The following SCARA3 variants were observed in gnomAD, a reference collection of about 807,000 sequenced individuals.
SCARA3 encodes scavenger receptor class A member 3, also known as cellular stress response gene protein.
SCARA3 carries 39 observed loss-of-function variants against 47.0 expected under a neutral mutation model. The ratio of observed to expected loss-of-function variants is 0.83; its 90% CI spans 0.64 to 1.08. The LOEUF (loss-of-function observed/expected upper bound fraction) is 1.08. SCARA3 is among the 50% of genes least tolerant of loss of function. The pLI, the probability that SCARA3 is intolerant of heterozygous loss-of-function variation, is 0.00. For missense variants in SCARA3, 724 were observed against 792.3 expected (o/e 0.91, Z 1.04); for synonymous variants, 356 against 334.1 (o/e 1.07, Z -0.71).
intron 1 of SCARA3, among the ~76,000 whole-genome samples, chr8:27,635,101 G>T (rs1285483213): frequency 2.0e-5 from 3 of 152,284 alleles, no homozygotes. Flanking sequence ...ATGGAAAGTA[G>T]AAACTGAAAA....
the SCARA3 span, among the ~76,000 whole-genome samples, chr8:27,718,523 G>A: frequency 3.3e-5 from 5 of 152,186 alleles, no homozygotes; most frequent in African/African-American, 4.8e-5. Flanking sequence ...TGAAGACCTC[G>A]CACTCCAGCT....
chr8:27,664,811 C>T (rs776879579), intron 5 of SCARA3, among the ~76,000 whole-genome samples: 3 of 151,920 alleles, frequency 2.0e-5, no homozygotes, highest in African/African-American at 7.3e-5. Context: ...CCTAGTCATG[C>T]GTGGAGAGCA....
the SCARA3 span, among the ~76,000 whole-genome samples, chr8:27,730,493 T>TG: frequency 6.7e-6 from 1 of 150,008 alleles, no homozygotes; most frequent in Non-Finnish European, 1.5e-5. Flanking sequence ...CTTTGATTTT[T>TG]TTTTTTTTTT....
chr8:27,698,665 C>T, the SCARA3 span, among the ~76,000 whole-genome samples: 2 of 152,148 alleles, frequency 1.3e-5, no homozygotes, highest in African/African-American at 4.8e-5. Context: ...TTACCAATAT[C>T]ATAATATAGA....
At chr8:27,716,658 A>T in the SCARA3 span, among the ~76,000 whole-genome samples, 1 of 152,230 alleles carries the variant, frequency 6.6e-6, no homozygotes, top group Non-Finnish European at 1.5e-5. Context: ...TTAAAAAGAC[A>T]TCACTTTACA....
chr8:27,668,945 G>A lies in SCARA3; in HGVS notation c.1370-1955G>A, dbSNP rs543405476. ...GAAAGGAATGGAGTTCCAGAAGAAG[G>A]TGAGAGGGCCCCAGCTGTGTGTAGG... On this transcript the variant is annotated intron_variant, in intron 5 of 5. Coordinates refer to ENST00000301904, the MANE Select transcript of SCARA3 (RefSeq NM_016240.3). 6.6e-5 allele frequency among the ~76,000 whole-genome samples: 10 copies of A among 152,346 alleles called. No individual in the cohort carries two copies. In the South Asian group the frequency reaches 2.1e-3, roughly 32 times the overall value.
At chr8:27,656,407 T>C (rs1024855873) in intron 3 of SCARA3, among the ~76,000 whole-genome samples, 4 of 152,228 alleles carry the variant, frequency 2.6e-5, no homozygotes, top group Admixed American at 1.3e-4. Context: ...TATATATCTA[T>C]GTAGCTGAAG....
the SCARA3 span, among the ~76,000 whole-genome samples, chr8:27,718,775 A>G: frequency 3.9e-5 from 6 of 152,252 alleles, no homozygotes; most frequent in Non-Finnish European, 7.3e-5. Context: ...GCATAAAAGC[A>G]AAACTTGCAT....
At chr8:27,659,882 G>A (rs1317126311) in intron 5 of SCARA3, among the ~76,000 whole-genome samples, 24 of 119,048 alleles carry the variant, frequency 2.0e-4, no homozygotes, top group African/African-American at 6.8e-4. Context: ...AAAAAAGAGA[G>A]AGAGAGAGAA....
the SCARA3 span, among the ~76,000 whole-genome samples, chr8:27,730,506 A>T: frequency 1.3e-4 from 8 of 61,858 alleles, no homozygotes; most frequent in Non-Finnish European, 2.3e-4. Context: ...TTTTTTTTTT[A>T]ATCGGGTCTC....
intron 1 of SCARA3, among the ~76,000 whole-genome samples, chr8:27,643,596 A>G (rs1005919404): frequency 3.3e-4 from 50 of 152,340 alleles, no homozygotes; most frequent in African/African-American, 1.2e-3. Flanking sequence ...ACAATTTTGC[A>G]ACCTTACTTA....
At chr8:27,647,966 G>T (rs1801543181) in intron 1 of SCARA3, among the ~76,000 whole-genome samples, 1 of 152,186 alleles carries the variant, frequency 6.6e-6, no homozygotes, top group Non-Finnish European at 1.5e-5. Flanking sequence ...CTAGGATGCG[G>T]CTCAAGATGC....
At chr8:27,731,558 T>G in the SCARA3 span, among the ~76,000 whole-genome samples, 65,277 of 147,062 alleles carry the variant, frequency 0.44, 14,446 homozygotes, top group East Asian at 0.64. Flanking sequence ...TGAGGCAGGA[T>G]AATTGCCTCG....
Position 27,671,128 on chromosome 8 carries a change from C to G in SCARA3, c.1598C>G (p.Pro533Arg). Residue 533 changes from proline to arginine, a missense_variant, in exon 6 of 6, where the codon CCG becomes CGG. Physicochemically the swap from Pro to Arg is moderately radical, Grantham distance 103. Coordinates refer to ENST00000301904, the MANE Select transcript of SCARA3 (RefSeq NM_016240.3). The stretch of plus-strand genomic sequence containing the variant: ...AAGGGCAGCTTTGGAACTGGAGGGC[C>G]GAGAGGACAGCCAGGCCCAAAAGGG... ...GSKGSFGTGG[P>R]RGQPGPKGDI... The G allele has an allele frequency of 3.8e-6, 6 of 1,580,006 alleles. No homozygotes were observed. The highest frequency in any genetic ancestry group is 5.2e-6 in the Non-Finnish European group (6 of 1,163,302).
At chr8:27,721,553 T>A in the SCARA3 span, among the ~76,000 whole-genome samples, 1 of 152,160 alleles carries the variant, frequency 6.6e-6, no homozygotes, top group Non-Finnish European at 1.5e-5. Context: ...AAATGGTTGG[T>A]TCTGGCCTTT....
chr8:27,713,408 A>G, the SCARA3 span, among the ~76,000 whole-genome samples: 2 of 152,228 alleles, frequency 1.3e-5, no homozygotes, highest in African/African-American at 4.8e-5. Context: ...TTTCCTTTGT[A>G]GAGTAACTCT....
chr8:27,664,828 G>A (rs1801983264), intron 5 of SCARA3, among the ~76,000 whole-genome samples: 1 of 151,938 alleles, frequency 6.6e-6, no homozygotes, highest in African/African-American at 2.4e-5. Flanking sequence ...AGCAAAACGG[G>A]GCATCTGTTT....
intron 3 of SCARA3, 150 bp downstream of exon 3, chr8:27,651,777 A>G (rs1801639774): frequency 8.9e-7 from 1 of 1,125,276 alleles, no homozygotes; most frequent in East Asian, 2.5e-5. Flanking sequence ...TCTATGCCTA[A>G]TGCAAACTGC....
the SCARA3 span, among the ~76,000 whole-genome samples, chr8:27,704,043 G>A: frequency 6.6e-6 from 1 of 151,622 alleles, no homozygotes; most frequent in Non-Finnish European, 1.5e-5. Flanking sequence ...GCAAGGAAGA[G>A]GAAGCAGAAG....
Sources: allele counts gnomAD v4.1 joint callset (sites outside exome capture counted in the v4.1 genomes callset), GRCh38; gene constraint gnomAD v4.1.1; transcripts MANE v1.5; gene names NCBI Gene and HGNC (gene_info 2026-07-23, HGNC 2026-07-21).